The following SDK1 variants were observed in gnomAD, a reference collection of about 807,000 sequenced individuals.
SDK1 encodes the protein protein sidekick-1.
SDK1 carries 157 observed loss-of-function variants against 245.5 expected under a neutral mutation model. The ratio of observed to expected loss-of-function variants is 0.64; its 90% CI spans 0.56 to 0.73. SDK1 has a LOEUF of 0.73. SDK1 is among the 30% of genes least tolerant of loss of function. SDK1 has a pLI of 0.00. For synonymous variants in SDK1, 1,647 were observed against 1,278.5 expected, an observed-to-expected ratio of 1.29 and a Z score of -6.15; for missense variants, 3,583 against 3,002.3, an observed-to-expected ratio of 1.19 and a Z score of -4.52.
At chr7:3,904,197 T>A (rs1781887084) in intron 5 of SDK1, among the ~76,000 whole-genome samples, 1 of 152,216 alleles carries the variant, frequency 6.6e-6, no homozygotes, top group South Asian at 2.1e-4. Context: ...AAGACCCACA[T>A]ACTGCATGAA....
chr7:4,038,414 G>A (rs750150770), intron 17 of SDK1, among the ~76,000 whole-genome samples: 2 of 151,952 alleles, frequency 1.3e-5, no homozygotes, highest in East Asian at 3.9e-4. Context: ...AGTGTTCAAA[G>A]CATTTATTTT....
At chr7:3,438,960 C>G (rs1001991680) in intron 1 of SDK1, among the ~76,000 whole-genome samples, 1 of 148,348 alleles carries the variant, frequency 6.7e-6, no homozygotes, top group African/African-American at 2.5e-5. Context: ...TGAAGTGATT[C>G]TCCTGCCTCA....
chr7:3,938,966 G>A (rs1171097876), intron 5 of SDK1, among the ~76,000 whole-genome samples: 2 of 152,200 alleles, frequency 1.3e-5, no homozygotes, highest in Non-Finnish European at 2.9e-5. Context: ...AGAAACTGCT[G>A]GATTGTCAAA....
At chr7:3,483,049 A>T (rs1781567073) in intron 1 of SDK1, among the ~76,000 whole-genome samples, 1 of 152,192 alleles carries the variant, frequency 6.6e-6, no homozygotes, top group African/African-American at 2.4e-5. Context: ...ACTTTTTAAA[A>T]TGTTCAAATT....
chr7:3,515,506 A>T (rs1013662069), intron 1 of SDK1, among the ~76,000 whole-genome samples: 1 of 152,160 alleles, frequency 6.6e-6, no homozygotes, highest in African/African-American at 2.4e-5. Context: ...TTAAAAACAC[A>T]CACTGTCCTT....
rs746509264 is a variant in SDK1 at position 3,619,129 on chromosome 7, C to G, written c.348C>G (p.His116Gln). 1 of 1,613,558 alleles carries G rather than the reference C, an allele frequency of 6.2e-7. No homozygotes were observed. Among genetic ancestry groups the G allele is most frequent in the South Asian group, 1.1e-5 (1 of 91,020 alleles). Reference protein sequence around the residue: ...FKTEPGLPQIHLEGNRLVLTC... With the variant: ...FKTEPGLPQIQLEGNRLVLTC... ...CGGAGCCAGGCCTACCACAGATCCACCTGGAAGGGAACCGCCTTGTTCTCA... is the reference window on the plus strand; with the variant it reads ...CGGAGCCAGGCCTACCACAGATCCAGCTGGAAGGGAACCGCCTTGTTCTCA... The change falls in exon 2 of 45, where the codon CAC becomes CAG. Residue 116 changes from histidine (H) to glutamine (Q), a missense_variant. By Grantham distance (24) the His-to-Gln change is conservative. Coordinates refer to ENST00000404826, the MANE Select transcript of SDK1 (RefSeq NM_152744.4).
At chr7:3,565,168 C>A (rs1432905028) in intron 1 of SDK1, among the ~76,000 whole-genome samples, 1 of 151,750 alleles carries the variant, frequency 6.6e-6, no homozygotes, top group African/African-American at 2.4e-5. Flanking sequence ...CTGGGCCCAG[C>A]AAACACATCT....
At chr7:3,840,114 A>C (rs1211832061) in intron 5 of SDK1, among the ~76,000 whole-genome samples, 1 of 152,194 alleles carries the variant, frequency 6.6e-6, no homozygotes, top group Non-Finnish European at 1.5e-5. Flanking sequence ...TTAAATGTAA[A>C]CTTAAAATAT....
intron 26 of SDK1, among the ~76,000 whole-genome samples, chr7:4,127,843 C>T (rs1262054829): frequency 3.9e-5 from 6 of 152,352 alleles, no homozygotes; most frequent in African/African-American, 7.2e-5. Context: ...GCTTGTAAAA[C>T]GGGAATAACG....
Position 3,911,674 on chromosome 7 carries a change from C to T in SDK1, c.848-39249C>T, listed in dbSNP as rs114109402. Among the ~76,000 whole-genome samples the T allele has an allele frequency of 4.6e-3, 699 of 152,244 alleles. 7 individuals are homozygous for T. Among genetic ancestry groups the T allele is most frequent in the African/African-American group, 0.016 (654 of 41,540 alleles). On this transcript the variant is annotated intron_variant, in intron 5 of 44. Transcript: ENST00000404826. Reference sequence around the variant, plus strand: ...CATCACCTGCCCAAGGTCTTACAGCCGGTGGTAGCCCAGGCCAGCCATCTC... The same window carrying T: ...CATCACCTGCCCAAGGTCTTACAGCTGGTGGTAGCCCAGGCCAGCCATCTC...
At chr7:3,722,742 C>T (rs919137628) in intron 4 of SDK1, among the ~76,000 whole-genome samples, 7 of 152,158 alleles carry the variant, frequency 4.6e-5, no homozygotes, top group Admixed American at 3.3e-4. Context: ...TCCTCAGATC[C>T]GGGGACTCGC....
chr7:3,413,074 A>G (rs371059809), intron 1 of SDK1, among the ~76,000 whole-genome samples: 83 of 152,304 alleles, frequency 5.4e-4, no homozygotes, highest in African/African-American at 1.9e-3. Context: ...GGGGCAGGCT[A>G]ATTAGAAGGA....
At chr7:4,030,805 C>T (rs1258730894) in intron 17 of SDK1, among the ~76,000 whole-genome samples, 2 of 152,144 alleles carry the variant, frequency 1.3e-5, no homozygotes, top group African/African-American at 4.8e-5. Flanking sequence ...ATATTTAAAG[C>T]TTTGGCCCAG....
intron 1 of SDK1, among the ~76,000 whole-genome samples, chr7:3,503,032 C>T (rs75084574): frequency 6.6e-6 from 1 of 152,160 alleles, no homozygotes; most frequent in Non-Finnish European, 1.5e-5. Context: ...ACTATGTTCA[C>T]AGTGGACTAA....
intron 20 of SDK1, among the ~76,000 whole-genome samples, chr7:4,072,558 C>A (rs576668809): frequency 1.6e-4 from 24 of 152,340 alleles, no homozygotes; most frequent in African/African-American, 5.5e-4. Context: ...AACATGCTGG[C>A]AGCACCATGA....
chr7:4,092,880 C>A (rs956885171), intron 22 of SDK1, among the ~76,000 whole-genome samples: 6 of 151,948 alleles, frequency 3.9e-5, no homozygotes, highest in African/African-American at 1.2e-4. Flanking sequence ...ACGAAAGCTC[C>A]CACCACAACA....
intron 44 of SDK1, among the ~76,000 whole-genome samples, chr7:4,247,524 G>T (rs149518533): frequency 6.6e-6 from 1 of 152,238 alleles, no homozygotes; most frequent in Non-Finnish European, 1.5e-5. Flanking sequence ...CAGGTTGTGC[G>T]GAGCAGGCAG....
intron 40 of SDK1, chr7:4,227,055 CGTA>C (rs1785489932): frequency 4.5e-6 from 1 of 222,744 alleles, no homozygotes; most frequent in Admixed American, 5.4e-5. Context: ...GCTGTCCACT[CGTA>C]GTCCCCTGGG....
chr7:4,226,165 A>G (rs889658827), intron 40 of SDK1, among the ~76,000 whole-genome samples: 1 of 152,206 alleles, frequency 6.6e-6, no homozygotes, highest in Non-Finnish European at 1.5e-5. Flanking sequence ...CTCCCTGGCA[A>G]GACGTTCTCC....
Sources: allele counts gnomAD v4.1 joint callset (sites outside exome capture counted in the v4.1 genomes callset), GRCh38; gene constraint gnomAD v4.1.1; transcripts MANE v1.5; gene names NCBI Gene and HGNC (gene_info 2026-07-23, HGNC 2026-07-21).